Variants in DYNC1I1 observed in about 807,000 individuals in gnomAD.
The protein encoded by DYNC1I1 is cytoplasmic dynein 1 intermediate chain 1.
A neutral mutation model predicts 86.6 loss-of-function variants in DYNC1I1; 43 were observed. That is an observed-to-expected ratio of 0.50 (90% CI 0.39 to 0.64). DYNC1I1 has a LOEUF of 0.64. Ranked by LOEUF, DYNC1I1 falls within the 30% of genes least tolerant of loss-of-function variation. The pLI is 0.00. For missense variants in DYNC1I1, 604 were observed against 788.8 expected (o/e 0.77, Z 2.81); for synonymous variants, 262 against 283.7 (o/e 0.92, Z 0.77).
At chr7:95,861,336 T>G (rs541729658) in intron 5 of DYNC1I1, among the ~76,000 whole-genome samples, 1 of 152,338 alleles carries the variant, frequency 6.6e-6, no homozygotes, top group Admixed American at 6.5e-5. Context: ...TAATTCTGGC[T>G]CTTCTGTCTC....
intron 4 of DYNC1I1, 91 bp downstream of exon 4, chr7:95,813,428 G>A (rs2115844797): frequency 1.4e-6 from 2 of 1,458,722 alleles, no homozygotes; most frequent in African/African-American, 2.9e-5. Context: ...ACTGTGAAAT[G>A]TGCATGTATC....
intron 7 of DYNC1I1, among the ~76,000 whole-genome samples, chr7:95,980,266 T>C (rs1008233379): frequency 6.6e-6 from 1 of 151,842 alleles, no homozygotes; most frequent in Non-Finnish European, 1.5e-5. Context: ...AATTAACACA[T>C]AATGGGTTAA....
chr7:95,784,371 T>C (rs1463976021), intron 1 of DYNC1I1, among the ~76,000 whole-genome samples: 6 of 152,184 alleles, frequency 3.9e-5, no homozygotes, highest in African/African-American at 1.2e-4. Context: ...AAAATGTCCA[T>C]GTGCTTGGGG....
chr7:95,950,808 G>A (rs973327183), intron 6 of DYNC1I1, among the ~76,000 whole-genome samples: 2 of 152,058 alleles, frequency 1.3e-5, no homozygotes, highest in African/African-American at 4.8e-5. Context: ...AAAGCATATT[G>A]GTAAAATACC....
intron 6 of DYNC1I1, among the ~76,000 whole-genome samples, chr7:95,918,157 T>G (rs1791516083): frequency 6.6e-6 from 1 of 152,092 alleles, no homozygotes; most frequent in Non-Finnish European, 1.5e-5. Context: ...TTCAAATTGG[T>G]GGAGGGAGCA....
At chr7:95,838,906 G>C (rs1337518457) in intron 5 of DYNC1I1, among the ~76,000 whole-genome samples, 1 of 152,152 alleles carries the variant, frequency 6.6e-6, no homozygotes, top group Admixed American at 6.5e-5. Flanking sequence ...ACAAGGTCAT[G>C]TCATCTACAA....
At chr7:96,006,151 A>G (rs1794136733) in intron 10 of DYNC1I1, among the ~76,000 whole-genome samples, 1 of 152,194 alleles carries the variant, frequency 6.6e-6, no homozygotes, top group African/African-American at 2.4e-5. Context: ...ACAACTGATC[A>G]ATAGTTCTGC....
intron 5 of DYNC1I1, among the ~76,000 whole-genome samples, chr7:95,850,947 C>CTT (rs553207875): frequency 6.7e-6 from 1 of 150,282 alleles, no homozygotes; most frequent in South Asian, 2.1e-4. Flanking sequence ...AATACCACAA[C>CTT]TTTTTTTTTT....
chr7:96,000,944 A>C (rs1002309427), intron 10 of DYNC1I1, among the ~76,000 whole-genome samples: 1 of 152,220 alleles, frequency 6.6e-6, no homozygotes, highest in Non-Finnish European at 1.5e-5. Flanking sequence ...ATACCATGAG[A>C]ATACACCTTT....
chr7:95,930,582 A>G (rs933165679), intron 6 of DYNC1I1, among the ~76,000 whole-genome samples: 8 of 152,178 alleles, frequency 5.3e-5, no homozygotes. Flanking sequence ...TTAAGAGGTA[A>G]GCTGAAACCT....
chr7:95,906,186 G>A (rs1215005018), intron 6 of DYNC1I1, among the ~76,000 whole-genome samples: 1 of 152,086 alleles, frequency 6.6e-6, no homozygotes, highest in East Asian at 1.9e-4. Flanking sequence ...TCTCCTTGTT[G>A]TGGTGTAATG....
At chr7:96,049,520 G>A (rs1789331676) in intron 14 of DYNC1I1, among the ~76,000 whole-genome samples, 1 of 151,936 alleles carries the variant, frequency 6.6e-6, no homozygotes. Context: ...TAAACTTATT[G>A]GGTAACTTGG....
At chr7:95,841,522 C>T (rs1789281525) in intron 5 of DYNC1I1, among the ~76,000 whole-genome samples, 1 of 152,136 alleles carries the variant, frequency 6.6e-6, no homozygotes, top group South Asian at 2.1e-4. Context: ...TCCAAGTGAC[C>T]AGCGAATATT....
rs1033384038 is a variant in DYNC1I1 at position 96,076,103 on chromosome 7, A to G, written c.1556A>G (p.Tyr519Cys). ...TTTGAAGACAATGCAGACTATGTGT[A>G]CGATGTCATGTGGTCCCCCGTGCAT... ...YSFEDNADYV[Y>C]DVMWSPVHPA... The change falls in exon 15 of 17, where the codon TAC becomes TGC. Residue 519 changes from tyrosine (Y) to cysteine (C), a missense_variant. Tyr to Cys is a radical substitution (Grantham distance 194). Coordinates refer to ENST00000447467, the MANE Select transcript of DYNC1I1 (RefSeq NM_001135556.2). 5 of 1,614,088 alleles carry G rather than the reference A, an allele frequency of 3.1e-6. No homozygotes were observed. Among genetic ancestry groups the G allele is most frequent in the Non-Finnish European group, 4.2e-6 (5 of 1,180,052 alleles).
chr7:96,095,155 A>G (rs1790964744), intron 16 of DYNC1I1, among the ~76,000 whole-genome samples: 1 of 152,184 alleles, frequency 6.6e-6, no homozygotes, highest in Non-Finnish European at 1.5e-5. Flanking sequence ...AAACATTTAA[A>G]TTTGATAAAA....
At chr7:96,083,122 G>A (rs771249042) in intron 16 of DYNC1I1, among the ~76,000 whole-genome samples, 2 of 152,074 alleles carry the variant, frequency 1.3e-5, no homozygotes, top group African/African-American at 4.8e-5. Context: ...ATTTTATTGA[G>A]AGTAGGTAAT....
chr7:96,008,060 A>G (rs1794185511), intron 10 of DYNC1I1, among the ~76,000 whole-genome samples: 1 of 152,178 alleles, frequency 6.6e-6, no homozygotes, highest in Non-Finnish European at 1.5e-5. Flanking sequence ...TGATCTGACG[A>G]GGGTGGGATC....
intron 16 of DYNC1I1, among the ~76,000 whole-genome samples, chr7:96,105,840 T>C (rs191821149): frequency 1.0e-3 from 157 of 152,284 alleles, no homozygotes; most frequent in African/African-American, 3.6e-3. Flanking sequence ...AGATTCTGAT[T>C]TTCTATTTCA....
downstream of DYNC1I1, among the ~76,000 whole-genome samples, chr7:96,100,650 TTGTG>T (rs57129262): frequency 0.019 from 2,652 of 142,916 alleles, 42 homozygotes; most frequent in Non-Finnish European, 0.03. Context: ...TTTGAGGGTT[TTGTG>T]TGTGTGTGTG....
Sources: allele counts gnomAD v4.1 joint callset (sites outside exome capture counted in the v4.1 genomes callset), GRCh38; gene constraint gnomAD v4.1.1; transcripts MANE v1.5; gene names NCBI Gene and HGNC (gene_info 2026-07-23, HGNC 2026-07-21).